Variants in TSPEAR observed in about 807,000 individuals in gnomAD.
The protein encoded by TSPEAR is thrombospondin-type laminin G domain and EAR repeat-containing protein.
TSPEAR carries 69 observed loss-of-function variants against 71.6 expected under a neutral mutation model. The observed-to-expected ratio is 0.96, with a 90% CI of 0.79 to 1.18. The LOEUF (loss-of-function observed/expected upper bound fraction) is 1.18, where lower values mean the gene tolerates loss of function less well. TSPEAR is among the 50% of genes most tolerant of loss of function. The pLI, the probability that TSPEAR is intolerant of heterozygous loss-of-function variation, is 0.00. For missense variants in TSPEAR, 971 were observed against 894.9 expected (o/e 1.09, Z -1.09); for synonymous variants, 402 against 387.2 (o/e 1.04, Z -0.45).
In TSPEAR at chr21:44,509,519, G is replaced by A. The variant is rs1469753577; in HGVS notation, c.1567-133C>T. ...GGCGCAGAGGTGTGGGGGAGGGGGCGCAGAGGTGTGGGTGAGCGGGCGCAG... is the reference window on the plus strand; with the variant it reads ...GGCGCAGAGGTGTGGGGGAGGGGGCACAGAGGTGTGGGTGAGCGGGCGCAG... On this transcript the variant is annotated intron_variant, in intron 9 of 11. Transcript: ENST00000323084. 2.9e-5 allele frequency: 16 copies of A among 553,562 alleles called. 1 individual carries two copies. Among genetic ancestry groups the A allele is most frequent in the South Asian group, 2.3e-4 (11 of 48,424 alleles). The allele number at this position is 553,562 out of a possible 1,614,324, so 34.3% of individuals were successfully genotyped here.
rs1327593312 is a variant in TSPEAR at position 44,548,331 on chromosome 21, G to T, written c.304-14408C>A. On this transcript the variant is annotated intron_variant, in intron 2 of 11. Coordinates refer to ENST00000323084, the MANE Select transcript of TSPEAR (RefSeq NM_144991.3). ...GCAAGGGGGAGTTAAAATCCACAAG[G>T]TTGTCCTATTGGGTTGTGCTGCTTT... Among the ~76,000 whole-genome samples, 8 of 152,202 alleles carry T rather than the reference G, an allele frequency of 5.3e-5. No homozygotes were observed. The East Asian group carries it at 9.6e-4, about 18-fold the overall frequency.
At chr21:44,631,120 C>G (rs924040040) in intron 1 of TSPEAR, among the ~76,000 whole-genome samples, 1 of 150,086 alleles carries the variant, frequency 6.7e-6, no homozygotes, top group African/African-American at 2.4e-5. Context: ...CTTGAAGAAG[C>G]CCAGGATTGA....
intron 2 of TSPEAR, among the ~76,000 whole-genome samples, chr21:44,547,312 T>C (rs886317588): frequency 1.2e-4 from 19 of 152,234 alleles, no homozygotes; most frequent in African/African-American, 4.3e-4. Flanking sequence ...TCTTTGTCTG[T>C]GATTTTATTT....
chr21:44,529,917 T>A lies in TSPEAR; in HGVS notation c.671A>T (p.Asp224Val). The A allele has an allele frequency of 1.2e-6, 2 of 1,610,350 alleles. No homozygotes were observed. The highest frequency in any genetic ancestry group is 1.7e-6 in the Non-Finnish European group (2 of 1,179,264). Residue 224 changes from aspartate to valine, a missense_variant, in exon 5 of 12, where the codon GAC (aspartate) becomes GTC (valine). Coordinates refer to ENST00000323084, the MANE Select transcript of TSPEAR (RefSeq NM_144991.3). Reference protein sequence around the residue: ...VRQLVLLPGSDATPRLCPSRN... With the variant: ...VRQLVLLPGSVATPRLCPSRN... ...GCTGGGACACAGCCTTGGGGTGGCG[T>A]CTGAGCCCGGCAGCAGGACCAGTTG...
At chr21:44,509,438 TGTGGGGGAGCGGGCGCAGAGGTGTG>T (rs2052293636) in intron 9 of TSPEAR, 52 bp from the exon 10 acceptor site, 1 of 1,151,030 alleles carries the variant, frequency 8.7e-7, no homozygotes, top group African/African-American at 1.9e-5. Context: ...GGCGCAGAGG[TGTGGGGGAGCGGGCGCAGAGGTGTG>T]GGGGAGCGGG....
chr21:44,564,700 C>T (rs1302721052), intron 2 of TSPEAR, among the ~76,000 whole-genome samples: 1 of 152,082 alleles, frequency 6.6e-6, no homozygotes, highest in African/African-American at 2.4e-5. Flanking sequence ...TAGTTCAACA[C>T]CGTAATTTCA....
At chr21:44,528,339 G>T in intron 6 of TSPEAR, 113 bp downstream of exon 6, 1 of 1,477,856 alleles carries the variant, frequency 6.8e-7, no homozygotes, top group Non-Finnish European at 9.3e-7. Context: ...TGACGGCCAA[G>T]CCTGAGGTCA....
At chr21:44,602,831 G>A (rs1436426619) in intron 1 of TSPEAR, among the ~76,000 whole-genome samples, 2 of 152,102 alleles carry the variant, frequency 1.3e-5, no homozygotes, top group Non-Finnish European at 2.9e-5. Flanking sequence ...CCCTGGACTC[G>A]GCCCCAGGAA....
rs991495195 is a variant in TSPEAR at position 44,710,155 on chromosome 21, C to T, written c.82+1278G>A. Reference sequence around the variant, plus strand: ...CGAGCAGGGGAGGGAGAAAGGCTGGCGCTGCGCCCTCCATCGCGTGAAGCC... The same window carrying T: ...CGAGCAGGGGAGGGAGAAAGGCTGGTGCTGCGCCCTCCATCGCGTGAAGCC... On this transcript the variant is annotated intron_variant, in intron 1 of 11. Transcript: ENST00000323084. The surrounding 1 kb of genome is among the most constrained non-coding windows in gnomAD (Gnocchi z 4.6). Among the ~76,000 whole-genome samples the T allele has an allele frequency of 1.3e-5, 2 of 152,064 alleles. No homozygotes were observed. The highest frequency in any genetic ancestry group is 2.4e-5 in the African/African-American group (1 of 41,400).
chr21:44,677,903 A>G (rs1258386257), intron 1 of TSPEAR: 2 of 1,400,016 alleles, frequency 1.4e-6, no homozygotes, highest in East Asian at 2.3e-5. Flanking sequence ...CATATAGGAT[A>G]GTGCCACCAA....
In TSPEAR at chr21:44,499,680, G is replaced by C; in HGVS notation, c.*103C>G. ...CACCCTGCCTGATGCCCAGGCCCGGGATGCCCTAGGCTGGGCCCACCTGGA... is the reference window on the plus strand; with the variant it reads ...CACCCTGCCTGATGCCCAGGCCCGGCATGCCCTAGGCTGGGCCCACCTGGA... On this transcript the variant is annotated 3_prime_UTR_variant, in exon 12 of 12. Transcript: ENST00000323084. The C allele has an allele frequency of 7.9e-7, 1 of 1,272,704 alleles. No individual in the cohort carries two copies. The highest frequency in any genetic ancestry group is 1.6e-5 in the African/African-American group (1 of 64,232). The allele number at this position is 1,272,704 out of a possible 1,614,324, so 78.8% of individuals were successfully genotyped here.
intron 2 of TSPEAR, chr21:44,557,783 C>T (rs2053557911): frequency 1.9e-6 from 1 of 530,458 alleles, no homozygotes; most frequent in Non-Finnish European, 3.3e-6. Flanking sequence ...GCAAAAAAGA[C>T]CTCTGAGAGG....
intron 1 of TSPEAR, among the ~76,000 whole-genome samples, chr21:44,625,140 A>T (rs1982684057): frequency 6.6e-6 from 1 of 152,252 alleles, no homozygotes; most frequent in Non-Finnish European, 1.5e-5. Context: ...CATTTTTATG[A>T]AGGATCTTCC....
chr21:44,500,517 G>A (rs782621097), intron 11 of TSPEAR, among the ~76,000 whole-genome samples: 5 of 152,250 alleles, frequency 3.3e-5, no homozygotes, highest in African/African-American at 7.2e-5. Flanking sequence ...AAGGGCACGA[G>A]TTGTTTACAT....
At chr21:44,600,857 C>T in intron 1 of TSPEAR, 2 of 1,610,010 alleles carry the variant, frequency 1.2e-6, no homozygotes, top group Non-Finnish European at 1.7e-6. Flanking sequence ...CCCTGCCAAT[C>T]AGGCTGCACC....
At chr21:44,666,230 A>C in intron 1 of TSPEAR, 1 of 561,294 alleles carries the variant, frequency 1.8e-6, no homozygotes, top group Non-Finnish European at 3.1e-6. Context: ...ATGGGGTCAG[A>C]GAATGACTCT....
At chr21:44,630,605 AGCAGGAAGTGAAGGGGAGG>A (rs587618653) in intron 1 of TSPEAR, among the ~76,000 whole-genome samples, 216 of 150,972 alleles carry the variant, frequency 1.4e-3, no homozygotes, top group South Asian at 3.6e-3. Context: ...GCTCTGAGCA[AGCAGGAAGTGAAGGGGAGG>A]GCAGGAAGTG....
At chr21:44,513,691 G>A (rs1279455132) in intron 9 of TSPEAR, among the ~76,000 whole-genome samples, 1 of 152,210 alleles carries the variant, frequency 6.6e-6, no homozygotes, top group Non-Finnish European at 1.5e-5. Flanking sequence ...TGGATTAGTT[G>A]CTGGGCAAAG....
At chr21:44,651,979 CTT>C (rs60867977) in intron 1 of TSPEAR, among the ~76,000 whole-genome samples, 15,445 of 123,000 alleles carry the variant, frequency 0.13, 386 homozygotes, top group South Asian at 0.23. Flanking sequence ...ATAAAACTTT[CTT>C]TTTTTTTTTT....
Sources: gnomAD v4.1 joint callset for allele counts (sites outside exome capture counted in the v4.1 genomes callset) on GRCh38, gnomAD v4.1.1 for gene constraint, Gnocchi (gnomAD v3.1) non-coding constraint, MANE v1.5 for transcripts, NCBI Gene and HGNC (gene_info 2026-07-23, HGNC 2026-07-21) for gene names.